The following KCNQ3 variants were observed in gnomAD, a reference collection of about 807,000 sequenced individuals.
KCNQ3 encodes the protein potassium voltage-gated channel subfamily Q member 3.
A neutral mutation model predicts 92.5 loss-of-function variants in KCNQ3; 30 were observed. The ratio of observed to expected loss-of-function variants is 0.32; its 90% CI spans 0.24 to 0.44. The LOEUF (loss-of-function observed/expected upper bound fraction) is 0.44. Among genes scored for constraint, KCNQ3 ranks in the 20% least tolerant of loss-of-function variants. The pLI, the probability that KCNQ3 is intolerant of heterozygous loss-of-function variation, is 1.00. For missense variants in KCNQ3, 913 were observed against 1,140.3 expected (o/e 0.80, Z 2.87); for synonymous variants, 450 against 468.8 (o/e 0.96, Z 0.52).
intron 1 of KCNQ3, among the ~76,000 whole-genome samples, chr8:132,277,762 G>A (rs1457778): frequency 0.44 from 67,019 of 151,840 alleles, 16,681 homozygotes; most frequent in East Asian, 0.68. Context: ...ACCCCACCCT[G>A]CCCTAGCCCC....
intron 1 of KCNQ3, among the ~76,000 whole-genome samples, chr8:132,364,686 C>CGAACGGATGGAT (rs1819264504): frequency 1.7e-5 from 2 of 114,584 alleles, no homozygotes; most frequent in African/African-American, 7.4e-5. Flanking sequence ...GACGGACGGA[C>CGAACGGATGGAT]GGACGGACGG....
chr8:132,300,236 A>ATT (rs202168444), intron 1 of KCNQ3, among the ~76,000 whole-genome samples: 2 of 150,968 alleles, frequency 1.3e-5, no homozygotes, highest in Non-Finnish European at 3.0e-5. Flanking sequence ...AGGTGACACC[A>ATT]TTTTTTTTTG....
intron 1 of KCNQ3, among the ~76,000 whole-genome samples, chr8:132,242,346 G>A (rs1815024453): frequency 6.6e-6 from 1 of 152,096 alleles, no homozygotes; most frequent in Non-Finnish European, 1.5e-5. Flanking sequence ...GCTCATCCAG[G>A]GACCACTTGT....
intron 9 of KCNQ3, among the ~76,000 whole-genome samples, chr8:132,153,720 C>T (rs1434137522): frequency 8.4e-6 from 1 of 118,864 alleles, no homozygotes; most frequent in Non-Finnish European, 1.8e-5. Context: ...ATAGTGGATA[C>T]TCCTACCCCG....
At chr8:132,452,005 C>T (rs988207438) in intron 1 of KCNQ3, among the ~76,000 whole-genome samples, 7 of 152,102 alleles carry the variant, frequency 4.6e-5, no homozygotes, top group Non-Finnish European at 1.0e-4. Flanking sequence ...GTCACTGGGC[C>T]CAAACACTCA....
chr8:132,311,623 C>G (rs1270799892), intron 1 of KCNQ3, among the ~76,000 whole-genome samples: 1 of 152,222 alleles, frequency 6.6e-6, no homozygotes, highest in African/African-American at 2.4e-5. Context: ...TTTTCATTGA[C>G]TGTATTTGAA....
intron 1 of KCNQ3, among the ~76,000 whole-genome samples, chr8:132,436,695 C>T (rs1192185733): frequency 6.6e-6 from 1 of 152,154 alleles, no homozygotes; most frequent in African/African-American, 2.4e-5. Flanking sequence ...TTTCTCCACA[C>T]TTTTAAAGAC....
chr8:132,141,641 A>G (rs1364017308), intron 9 of KCNQ3, among the ~76,000 whole-genome samples: 1 of 152,206 alleles, frequency 6.6e-6, no homozygotes, highest in African/African-American at 2.4e-5. Flanking sequence ...GCAGAGATTC[A>G]TCTTTCCCCA....
chr8:132,299,886 T>C (rs1310658639), intron 1 of KCNQ3, among the ~76,000 whole-genome samples: 1 of 152,166 alleles, frequency 6.6e-6, no homozygotes, highest in Non-Finnish European at 1.5e-5. Context: ...ACAGAAATGG[T>C]TTCCTGCTGG....
At chr8:132,267,394 G>T (rs989152778) in intron 1 of KCNQ3, among the ~76,000 whole-genome samples, 2 of 152,142 alleles carry the variant, frequency 1.3e-5, no homozygotes, top group Admixed American at 6.5e-5. Flanking sequence ...TAAGGTCTTT[G>T]CACGTATCCT....
intron 1 of KCNQ3, among the ~76,000 whole-genome samples, chr8:132,479,688 C>T (rs1822498390): frequency 6.7e-6 from 1 of 150,112 alleles, no homozygotes; most frequent in Non-Finnish European, 1.5e-5. Flanking sequence ...GCACCCCTCC[C>T]ATCCCCAACT....
intron 1 of KCNQ3, among the ~76,000 whole-genome samples, chr8:132,256,563 C>A (rs1437394084): frequency 6.6e-6 from 1 of 152,182 alleles, no homozygotes; most frequent in Non-Finnish European, 1.5e-5. Context: ...CATAATAAAA[C>A]TCTCAATAGG....
intron 1 of KCNQ3, among the ~76,000 whole-genome samples, chr8:132,471,730 A>G (rs1276533103): frequency 6.6e-6 from 1 of 152,210 alleles, no homozygotes; most frequent in East Asian, 1.9e-4. Context: ...TATGCCCGTG[A>G]CCTCAAAAGC....
At chr8:132,338,984 C>A (rs926395934) in intron 1 of KCNQ3, among the ~76,000 whole-genome samples, 2 of 152,148 alleles carry the variant, frequency 1.3e-5, no homozygotes, top group South Asian at 2.1e-4. Context: ...TGAAGAGAGA[C>A]CACAGGGCAA....
intron 1 of KCNQ3, among the ~76,000 whole-genome samples, chr8:132,231,976 T>C (rs563288087): frequency 6.6e-6 from 1 of 152,334 alleles, no homozygotes; most frequent in South Asian, 2.1e-4. Context: ...CTGTTCCTTA[T>C]ACCTCCCTAC....
intron 1 of KCNQ3, among the ~76,000 whole-genome samples, chr8:132,199,521 T>C (rs952961821): frequency 6.6e-6 from 1 of 152,238 alleles, no homozygotes; most frequent in African/African-American, 2.4e-5. Flanking sequence ...TCCCCTTAAG[T>C]AGGTTTTTAT....
At chr8:132,318,270 A>C (rs1435836207) in intron 1 of KCNQ3, among the ~76,000 whole-genome samples, 2 of 152,248 alleles carry the variant, frequency 1.3e-5, no homozygotes, top group Non-Finnish European at 2.9e-5. Context: ...AAAGTAATTA[A>C]TAGTACAGGT....
At chr8:132,349,322 G>A (rs1488227004) in intron 1 of KCNQ3, among the ~76,000 whole-genome samples, 2 of 152,188 alleles carry the variant, frequency 1.3e-5, no homozygotes, top group Non-Finnish European at 2.9e-5. Context: ...AGTATCTAAC[G>A]AGCGACTTCC....
intron 1 of KCNQ3, among the ~76,000 whole-genome samples, chr8:132,450,085 T>C (rs1404131519): frequency 6.6e-6 from 1 of 152,166 alleles, no homozygotes; most frequent in Non-Finnish European, 1.5e-5. Flanking sequence ...GGAAGATTTA[T>C]TGTGAAGAGC....
Sources: allele counts gnomAD v4.1 joint callset (sites outside exome capture counted in the v4.1 genomes callset), GRCh38; gene constraint gnomAD v4.1.1; transcripts MANE v1.5; gene names NCBI Gene and HGNC (gene_info 2026-07-23, HGNC 2026-07-21).